Variants in SLC2A13 observed in about 807,000 individuals in gnomAD.
SLC2A13 encodes proton myo-inositol cotransporter.
A neutral mutation model predicts 64.4 loss-of-function variants in SLC2A13; 32 were observed. That is an observed-to-expected ratio of 0.50 (90% CI 0.37 to 0.67). The LOEUF is 0.67. Ranked by LOEUF, SLC2A13 falls within the 30% of genes least tolerant of loss-of-function variation. The pLI, the probability that SLC2A13 is intolerant of heterozygous loss-of-function variation, is 0.00. For synonymous variants in SLC2A13, 338 were observed against 327.1 expected, an observed-to-expected ratio of 1.03 and a Z score of -0.36; for missense variants, 743 against 829.2, an observed-to-expected ratio of 0.90 and a Z score of 1.28.
chr12:40,089,535 G>A (rs1415123013), intron 1 of SLC2A13, among the ~76,000 whole-genome samples: 1 of 152,124 alleles, frequency 6.6e-6, no homozygotes, highest in Non-Finnish European at 1.5e-5. Flanking sequence ...AGCGGGACTA[G>A]AGAAGCCCTT....
intron 4 of SLC2A13, among the ~76,000 whole-genome samples, chr12:39,882,020 G>C (rs77868845): frequency 6.6e-6 from 1 of 151,958 alleles, no homozygotes; most frequent in African/African-American, 2.4e-5. Context: ...GGCCAGCACA[G>C]CCTACTCTCA....
chr12:39,976,144 T>C (rs763804403), intron 3 of SLC2A13, among the ~76,000 whole-genome samples: 4 of 152,218 alleles, frequency 2.6e-5, no homozygotes, highest in Non-Finnish European at 5.9e-5. Context: ...GGGGTACCCA[T>C]TATGACAGCA....
At chr12:40,089,734 T>C (rs1279616793) in intron 1 of SLC2A13, among the ~76,000 whole-genome samples, 1 of 152,236 alleles carries the variant, frequency 6.6e-6, no homozygotes, top group Non-Finnish European at 1.5e-5. Context: ...ATTTAAAATG[T>C]AAAATATATG....
intron 4 of SLC2A13, among the ~76,000 whole-genome samples, chr12:39,896,367 T>C (rs1485367425): frequency 7.1e-6 from 1 of 141,326 alleles, no homozygotes; most frequent in Non-Finnish European, 1.5e-5. Flanking sequence ...TGTGTATATA[T>C]GTATACATAT....
chr12:39,862,254 G>C (rs1943783481), intron 6 of SLC2A13, among the ~76,000 whole-genome samples: 1 of 152,130 alleles, frequency 6.6e-6, no homozygotes, highest in African/African-American at 2.4e-5. Context: ...CAAGTCATTA[G>C]GGAGCTCTAA....
At chr12:39,900,780 T>C (rs1336062569) in intron 4 of SLC2A13, among the ~76,000 whole-genome samples, 1 of 152,196 alleles carries the variant, frequency 6.6e-6, no homozygotes, top group Non-Finnish European at 1.5e-5. Context: ...AATTTATAGA[T>C]TCAATGCCAT....
chr12:40,071,058 G>A (rs1937937455), intron 1 of SLC2A13, among the ~76,000 whole-genome samples: 1 of 152,082 alleles, frequency 6.6e-6, no homozygotes, highest in African/African-American at 2.4e-5. Flanking sequence ...GTCACCTACT[G>A]GACACATTTG....
chr12:39,771,263 C>T (rs1052186364), intron 7 of SLC2A13, among the ~76,000 whole-genome samples: 1 of 151,908 alleles, frequency 6.6e-6, no homozygotes, highest in Non-Finnish European at 1.5e-5. Context: ...TGGGAGTGAC[C>T]TTGGATTTGC....
At chr12:39,793,746 G>C (rs977061541) in intron 7 of SLC2A13, among the ~76,000 whole-genome samples, 1 of 152,060 alleles carries the variant, frequency 6.6e-6, no homozygotes, top group Admixed American at 6.6e-5. Flanking sequence ...TCATGCACCT[G>C]CTTTTCCTCT....
chr12:39,971,963 AT>A (rs1946652733), intron 3 of SLC2A13, among the ~76,000 whole-genome samples: 1 of 114,826 alleles, frequency 8.7e-6, no homozygotes, highest in Non-Finnish European at 1.9e-5. Context: ...AGATAAGGGG[AT>A]GGAGCAAGAG....
chr12:39,917,576 G>A (rs1945541992), intron 4 of SLC2A13, among the ~76,000 whole-genome samples: 1 of 152,078 alleles, frequency 6.6e-6, no homozygotes, highest in African/African-American at 2.4e-5. Flanking sequence ...AACAAAAGGT[G>A]AATGAAGCAA....
At chr12:40,007,088 T>C (rs1461415947) in intron 3 of SLC2A13, among the ~76,000 whole-genome samples, 1 of 152,188 alleles carries the variant, frequency 6.6e-6, no homozygotes, top group African/African-American at 2.4e-5. Context: ...CTTACTAAAG[T>C]TGACCCAGTA....
At chr12:39,969,096 A>G (rs1298082325) in intron 3 of SLC2A13, among the ~76,000 whole-genome samples, 1 of 152,104 alleles carries the variant, frequency 6.6e-6, no homozygotes, top group East Asian at 1.9e-4. Context: ...GATGGTTTCC[A>G]GCTTCATCCA....
chr12:40,064,786 G>C (rs913513194), intron 1 of SLC2A13, among the ~76,000 whole-genome samples: 5 of 152,100 alleles, frequency 3.3e-5, no homozygotes, highest in African/African-American at 1.2e-4. Context: ...AAATCACAGT[G>C]AATCATTAGT....
chr12:39,886,254 T>C (rs1229516669), intron 4 of SLC2A13, among the ~76,000 whole-genome samples: 1 of 152,140 alleles, frequency 6.6e-6, no homozygotes, highest in African/African-American at 2.4e-5. Context: ...AAATAGTAAA[T>C]TAGGCTGCTG....
At chr12:39,869,673 T>A (rs887323097) in intron 5 of SLC2A13, among the ~76,000 whole-genome samples, 6 of 152,076 alleles carry the variant, frequency 3.9e-5, no homozygotes, top group African/African-American at 1.4e-4. Context: ...TACTTCCCCT[T>A]AACAGTCAGG....
intron 3 of SLC2A13, among the ~76,000 whole-genome samples, chr12:39,992,593 A>G (rs1362000654): frequency 6.6e-6 from 1 of 152,022 alleles, no homozygotes; most frequent in African/African-American, 2.4e-5. Context: ...ATTATGGAAA[A>G]TGGCCGTGAC....
intron 5 of SLC2A13, among the ~76,000 whole-genome samples, chr12:39,870,953 T>C (rs1257066148): frequency 6.6e-6 from 1 of 152,220 alleles, no homozygotes; most frequent in Non-Finnish European, 1.5e-5. Context: ...TTGGTTAAAA[T>C]AGAATTTAGT....
intron 3 of SLC2A13, among the ~76,000 whole-genome samples, chr12:39,969,097 G>A (rs954112663): frequency 7.9e-5 from 12 of 151,994 alleles, no homozygotes; most frequent in Admixed American, 7.2e-4. Context: ...ATGGTTTCCA[G>A]CTTCATCCAT....
Sources: allele counts gnomAD v4.1 joint callset (sites outside exome capture counted in the v4.1 genomes callset), GRCh38; gene constraint gnomAD v4.1.1; transcripts MANE v1.5; gene names NCBI Gene and HGNC (gene_info 2026-07-23, HGNC 2026-07-21).